NT5DC1: variants seen among roughly 807,000 people sequenced by gnomAD.
The protein encoded by NT5DC1 is 5'-nucleotidase domain-containing protein 1.
NT5DC1 carries 42 observed loss-of-function variants against 59.4 expected under a neutral mutation model. That is an observed-to-expected ratio of 0.71 (90% CI 0.55 to 0.92). The LOEUF is 0.92. NT5DC1 is among the 40% of genes least tolerant of loss of function. The pLI, the probability that NT5DC1 is intolerant of heterozygous loss-of-function variation, is 0.00. For synonymous variants in NT5DC1, 172 were observed against 188.1 expected (o/e 0.91, Z 0.70); for missense variants, 501 against 537.1 (o/e 0.93, Z 0.66).
At chr6:116,230,494 T>C (rs1781998451) in intron 8 of NT5DC1, among the ~76,000 whole-genome samples, 1 of 152,228 alleles carries the variant, frequency 6.6e-6, no homozygotes, top group African/African-American at 2.4e-5. Context: ...GTGAATCACC[T>C]AGAGATCTTG....
intron 6 of NT5DC1, among the ~76,000 whole-genome samples, chr6:116,150,158 A>G (rs1413795855): frequency 6.6e-6 from 1 of 152,224 alleles, no homozygotes; most frequent in Non-Finnish European, 1.5e-5. Context: ...AGGAATTTTT[A>G]CAGAAGAGTG....
At chr6:116,172,130 C>A (rs1386839479) in intron 6 of NT5DC1, among the ~76,000 whole-genome samples, 2 of 152,098 alleles carry the variant, frequency 1.3e-5, no homozygotes, top group African/African-American at 4.8e-5. Flanking sequence ...ATTTCCTAAC[C>A]TGTTGTAAAT....
At chr6:116,215,135 A>G (rs1781665089) in intron 6 of NT5DC1, among the ~76,000 whole-genome samples, 1 of 152,134 alleles carries the variant, frequency 6.6e-6, no homozygotes, top group South Asian at 2.1e-4. Context: ...TACTGATATT[A>G]ATGTAGCTCT....
intron 8 of NT5DC1, among the ~76,000 whole-genome samples, chr6:116,228,263 C>G (rs1562173561): frequency 6.6e-6 from 1 of 151,728 alleles, no homozygotes; most frequent in Non-Finnish European, 1.5e-5. Context: ...AATCCCACCA[C>G]TTTGGGAGGC....
Position 116,147,941 on chromosome 6 carries a change from G to A in NT5DC1, c.529+29996G>A, listed in dbSNP as rs138367949. ...GCGGAGGTTGCAGGGAGCTGAGATC[G>A]CGCCACTGCACTCCAGCCTGGCGAC... On this transcript the variant is annotated intron_variant, in intron 6 of 11. Coordinates refer to ENST00000319550, the MANE Select transcript of NT5DC1 (RefSeq NM_152729.3). Among the ~76,000 whole-genome samples, 65 of 151,538 alleles carry A rather than the reference G, an allele frequency of 4.3e-4. 2 individuals carry two copies. Among genetic ancestry groups the A allele is most frequent in the African/African-American group, 1.3e-3 (55 of 41,340 alleles).
intron 6 of NT5DC1, among the ~76,000 whole-genome samples, chr6:116,139,834 T>C (rs1332857202): frequency 6.6e-6 from 1 of 152,176 alleles, no homozygotes; most frequent in African/African-American, 2.4e-5. Context: ...AAGTTGTGTC[T>C]TTGAGACCTA....
At chr6:116,162,959 C>T (rs1285544362) in intron 6 of NT5DC1, among the ~76,000 whole-genome samples, 1 of 151,620 alleles carries the variant, frequency 6.6e-6, no homozygotes, top group Non-Finnish European at 1.5e-5. Flanking sequence ...AACCCCGTCT[C>T]TACTAAATAT....
chr6:116,234,440 A>G (rs897767749), intron 8 of NT5DC1, among the ~76,000 whole-genome samples: 1 of 151,858 alleles, frequency 6.6e-6, no homozygotes, highest in African/African-American at 2.4e-5. Context: ...TCCGGGCTGA[A>G]GCTATCCTCC....
At chr6:116,111,489 A>G (rs73772252) in intron 4 of NT5DC1, among the ~76,000 whole-genome samples, 7,702 of 152,318 alleles carry the variant, frequency 0.051, 314 homozygotes, top group African/African-American at 0.11. Flanking sequence ...GAAATGATTT[A>G]TAGACATAGA....
intron 6 of NT5DC1, among the ~76,000 whole-genome samples, chr6:116,194,121 A>G (rs1781179367): frequency 6.6e-6 from 1 of 152,084 alleles, no homozygotes; most frequent in Non-Finnish European, 1.5e-5. Flanking sequence ...CAGGTAAAGT[A>G]AGAAATTGTA....
intron 6 of NT5DC1, among the ~76,000 whole-genome samples, chr6:116,160,470 G>GT (rs140839434): frequency 6.6e-6 from 1 of 151,458 alleles, no homozygotes; most frequent in Non-Finnish European, 1.5e-5. Flanking sequence ...AATTTTTGTG[G>GT]TTTTTTTTCT....
intron 11 of NT5DC1, among the ~76,000 whole-genome samples, chr6:116,239,370 G>A (rs904243086): frequency 6.6e-6 from 1 of 152,072 alleles, no homozygotes; most frequent in South Asian, 2.1e-4. Context: ...GAGTTACCAG[G>A]ACAAGCTGCT....
chr6:116,176,959 A>G (rs934546075), intron 6 of NT5DC1, among the ~76,000 whole-genome samples: 11 of 152,340 alleles, frequency 7.2e-5, no homozygotes, highest in Admixed American at 6.5e-4. Context: ...TAAGAACTTT[A>G]GATATAATTT....
intron 6 of NT5DC1, chr6:116,118,210 TA>T: frequency 2.3e-6 from 1 of 429,224 alleles, no homozygotes; most frequent in South Asian, 2.3e-5. Context: ...GTGAGTTCCC[TA>T]GAATTGAAGT....
intron 6 of NT5DC1, among the ~76,000 whole-genome samples, chr6:116,199,956 GC>G (rs1781310352): frequency 6.7e-6 from 1 of 148,550 alleles, no homozygotes; most frequent in East Asian, 1.9e-4. Context: ...CTTAAGGGTA[GC>G]CTGTGCATTG....
intron 6 of NT5DC1, chr6:116,121,689 G>C (rs756081961): frequency 6.2e-7 from 1 of 1,613,738 alleles, no homozygotes; most frequent in South Asian, 1.1e-5. Context: ...ATTCCAGGTG[G>C]TCCTGGTGGG....
intron 6 of NT5DC1, chr6:116,121,720 A>G (rs1030914742): frequency 6.2e-7 from 1 of 1,613,852 alleles, no homozygotes; most frequent in Non-Finnish European, 8.5e-7. Context: ...CTGGTAGGCC[A>G]GCTGGTCCAA....
Position 116,106,341 on chromosome 6 carries a change from T to C in NT5DC1, c.185+6T>C. The C allele has an allele frequency of 1.7e-6, 2 of 1,187,212 alleles. No homozygotes were observed. The highest frequency in any genetic ancestry group is 2.4e-6 in the Non-Finnish European group (2 of 839,788). The allele number at this position is 1,187,212 out of a possible 1,614,324, so 73.5% of individuals were successfully genotyped here. ...CCAGAGGATTGGGATTTCTGGTAAG[T>C]TCTTTTTTTTTTTTTTTTTTTAAGT... On this transcript the variant is annotated splice_donor_region_variant and intron_variant, in intron 2 of 11. Transcript: ENST00000319550.
At chr6:116,220,121 C>CTTTT (rs1562170568) in intron 6 of NT5DC1, among the ~76,000 whole-genome samples, 2 of 108,314 alleles carry the variant, frequency 1.8e-5, no homozygotes, top group African/African-American at 4.4e-5. Context: ...AGCTGTTTAA[C>CTTTT]CTTTTTTTTT....
Sources: allele counts gnomAD v4.1 joint callset (sites outside exome capture counted in the v4.1 genomes callset), GRCh38; gene constraint gnomAD v4.1.1; transcripts MANE v1.5; gene names NCBI Gene and HGNC (gene_info 2026-07-23, HGNC 2026-07-21).